Variants in KCNK12 observed in about 807,000 individuals in gnomAD.
The protein encoded by KCNK12 is potassium two pore domain channel subfamily K member 12.
KCNK12 carries 6 observed loss-of-function variants against 25.3 expected under a neutral mutation model. The observed-to-expected ratio is 0.24, with a 90% CI of 0.13 to 0.47. The LOEUF (loss-of-function observed/expected upper bound fraction) is 0.47, where lower values mean the gene tolerates loss of function less well. Ranked by LOEUF, KCNK12 falls within the 20% of genes least tolerant of loss-of-function variation. The pLI, the probability that KCNK12 is intolerant of heterozygous loss-of-function variation, is 0.99. For missense variants in KCNK12, 444 were observed against 661.7 expected (o/e 0.67, Z 3.61); for synonymous variants, 331 against 311.1 (o/e 1.06, Z -0.67).
At chr2:47,536,767 A>G (rs550655269) in intron 1 of KCNK12, among the ~76,000 whole-genome samples, 2 of 152,224 alleles carry the variant, frequency 1.3e-5, no homozygotes, top group Non-Finnish European at 1.5e-5. Context: ...GGAGGACTTA[A>G]GGAAGCAGGC....
chr2:47,530,298 G>C (rs1200419726), intron 1 of KCNK12, among the ~76,000 whole-genome samples: 5 of 152,182 alleles, frequency 3.3e-5, no homozygotes, highest in Non-Finnish European at 7.3e-5. Context: ...CTTCTGGCCA[G>C]ACTCAGTGGG....
Position 47,570,361 on chromosome 2 carries a change from G to A in KCNK12, c.-30C>T. ...CGGAGCTCAGCCCCGGGGCCGGGGC[G>A]GCGCTCGGGGCCCGGGCCACGACAT... On this transcript the variant is annotated 5_prime_UTR_variant, in exon 1 of 2. Transcript: ENST00000327876. The A allele has an allele frequency of 2.5e-6, 3 of 1,220,710 alleles. No homozygotes were observed. Among genetic ancestry groups the A allele is most frequent in the Non-Finnish European group, 3.1e-6 (3 of 981,908 alleles). The allele number at this position is 1,220,710 out of a possible 1,614,324, so 75.6% of individuals were successfully genotyped here.
rs1245936596 is a variant in KCNK12 at position 47,510,716 on chromosome 2, G to C, written c.*10191C>G. The C allele has an allele frequency of 6.6e-6, 1 of 152,224 alleles. No individual in the cohort carries two copies. Among genetic ancestry groups the C allele is most frequent in the Admixed American group, 6.5e-5 (1 of 15,294 alleles). The allele number at this position is 152,224 out of a possible 1,614,324, so 9.4% of individuals were successfully genotyped here. On this transcript the variant is annotated 3_prime_UTR_variant, in exon 2 of 2. Coordinates refer to ENST00000327876, the MANE Select transcript of KCNK12 (RefSeq NM_022055.2). ...AGAACTTATCTTAGGGCAATTTTAG[G>C]TAGAGGAGCAGACAAGATGGTGTAC...
chr2:47,520,776 T>G lies in KCNK12; in HGVS notation c.*131A>C, dbSNP rs1310169434. The G allele has an allele frequency of 3.0e-6, 2 of 664,036 alleles. No individual in the cohort carries two copies. The highest frequency in any genetic ancestry group is 6.9e-5 in the East Asian group (2 of 29,172). The allele number at this position is 664,036 out of a possible 1,614,324, so 41.1% of individuals were successfully genotyped here. On this transcript the variant is annotated 3_prime_UTR_variant, in exon 2 of 2. Coordinates refer to ENST00000327876, the MANE Select transcript of KCNK12 (RefSeq NM_022055.2). The surrounding 1 kb of genome is among the most constrained non-coding windows in gnomAD (Gnocchi z 5.0). ...TCAGGCCTGGCCAAATAGTATTTCT[T>G]TAAAAAAATTTTTTTTGTTTCATTT...
In KCNK12 at chr2:47,540,717, G is replaced by A. The variant is rs1170909328; in HGVS notation, c.392-18909C>T. Among the ~76,000 whole-genome samples, 2 of 152,188 alleles carry A rather than the reference G, an allele frequency of 1.3e-5. No homozygotes were observed. The highest frequency in any genetic ancestry group is 3.8e-4 in the East Asian group (2 of 5,198). On this transcript the variant is annotated intron_variant, in intron 1 of 1. Transcript: ENST00000327876. The surrounding 1 kb of genome is among the most constrained non-coding windows in gnomAD (Gnocchi z 5.4). ...AAGGCAGGGGGATTGCTTGAGGCCA[G>A]GAGTTTGGGACCAGCCTGGGCAACA...
At chr2:47,546,422 C>T (rs1223249823) in intron 1 of KCNK12, among the ~76,000 whole-genome samples, 2 of 152,212 alleles carry the variant, frequency 1.3e-5, no homozygotes, top group Non-Finnish European at 2.9e-5. Context: ...AACTATTCCT[C>T]GCATTTAAAG....
rs1668592701 is a variant in KCNK12 at position 47,519,273 on chromosome 2, C to G, written c.*1634G>C. On this transcript the variant is annotated 3_prime_UTR_variant, in exon 2 of 2. Coordinates refer to ENST00000327876, the MANE Select transcript of KCNK12 (RefSeq NM_022055.2). ...AGAAGAGTTTGACATTCAAGTTTGA[C>G]TCTAATGCTGGGTGCGTGAGCGCAT... 6.6e-6 allele frequency: 1 copy of G among 152,246 alleles called. No homozygotes were observed. The highest frequency in any genetic ancestry group is 1.5e-5 in the Non-Finnish European group (1 of 68,042). The allele number at this position is 152,246 out of a possible 1,614,324, so 9.4% of individuals were successfully genotyped here. A position where few individuals can be genotyped will look rare whatever the true frequency, so the allele number is the denominator to read the frequency against.
chr2:47,537,107 C>A (rs567132711), intron 1 of KCNK12, among the ~76,000 whole-genome samples: 4 of 152,228 alleles, frequency 2.6e-5, no homozygotes, highest in African/African-American at 9.6e-5. Context: ...ACTGTGAGTG[C>A]CAGGCCAGCT....
At chr2:47,552,575 C>G (rs1166718816) in intron 1 of KCNK12, among the ~76,000 whole-genome samples, 4 of 152,278 alleles carry the variant, frequency 2.6e-5, no homozygotes, top group Admixed American at 2.6e-4. Context: ...CGAGACCATC[C>G]TGGCCAACAT....
In KCNK12 at chr2:47,521,072, G is replaced by A. The variant is rs750841653; in HGVS notation, c.1128C>T (p.Ala376=). 2.9e-6 allele frequency: 4 copies of A among 1,361,586 alleles called. No individual in the cohort carries two copies. The highest frequency in any genetic ancestry group is 3.2e-5 in the Admixed American group (1 of 30,970). 84.3% of individuals were successfully genotyped at this position (1,361,586 alleles called of 1,614,324 possible). A position where few individuals can be genotyped will look rare whatever the true frequency, so the allele number is the denominator to read the frequency against. The change falls in exon 2 of 2, where the codon GCC becomes GCT. Residue 376 remains alanine, a synonymous_variant. Transcript: ENST00000327876. ...GCAGCGCCAGCGACACCTTGTTGGA[G>A]GCCGTGAGGTCGCGCATGGAGATGA... The part of the protein sequence containing the change: ...GELISMRDLT[A]SNKVSLALLQ...
chr2:47,540,003 G>A lies in KCNK12; in HGVS notation c.392-18195C>T, dbSNP rs374703190. ...ACTGGTGGCTGTCAGCAAGCTACTC[G>A]CTGTGCCTCAGTTTCCCCATCTATC... is the stretch of plus-strand genomic sequence containing the variant. On this transcript the variant is annotated intron_variant, in intron 1 of 1. Transcript: ENST00000327876. The surrounding 1 kb of genome is among the most constrained non-coding windows in gnomAD (Gnocchi z 5.4). Among the ~76,000 whole-genome samples the A allele has an allele frequency of 2.6e-5, 4 of 152,184 alleles. No individual in the cohort carries two copies. Among genetic ancestry groups the A allele is most frequent in the East Asian group, 1.9e-4 (1 of 5,192 alleles).
At chr2:47,561,486 A>G (rs1019609264) in intron 1 of KCNK12, among the ~76,000 whole-genome samples, 1 of 152,212 alleles carries the variant, frequency 6.6e-6, no homozygotes, top group Non-Finnish European at 1.5e-5. Flanking sequence ...CAGGTGCCAC[A>G]CAGCAGGGGG....
At chr2:47,535,512 C>T (rs745917810) in intron 1 of KCNK12, among the ~76,000 whole-genome samples, 1 of 152,014 alleles carries the variant, frequency 6.6e-6, no homozygotes, top group Non-Finnish European at 1.5e-5. Flanking sequence ...ATTCCACTCT[C>T]AGCTGCCACA....
Position 47,562,685 on chromosome 2 carries a change from G to C in KCNK12, c.391+7256C>G, listed in dbSNP as rs1669705073. ...AGTTGGCTTAGGGTGAGAGCCAAGGGGCTTCAGTACCCTTCTTCATTCTCT... is the reference window on the plus strand; with the variant it reads ...AGTTGGCTTAGGGTGAGAGCCAAGGCGCTTCAGTACCCTTCTTCATTCTCT... On this transcript the variant is annotated intron_variant, in intron 1 of 1. Transcript: ENST00000327876. The surrounding 1 kb of genome is among the most constrained non-coding windows in gnomAD (Gnocchi z 4.8). 4.3e-6 allele frequency: 1 copy of C among 233,046 alleles called. No homozygotes were observed. Among genetic ancestry groups the C allele is most frequent in the Non-Finnish European group, 8.5e-6 (1 of 118,048 alleles). 14.4% of individuals were successfully genotyped at this position (233,046 alleles called of 1,614,324 possible). A position where few individuals can be genotyped will look rare whatever the true frequency, so the allele number is the denominator to read the frequency against.
rs369676187 is a variant in KCNK12, at chr2:47,512,995, A to C, written c.*7912T>G. 8.3e-4 allele frequency: 128 copies of C among 154,612 alleles called. No individual in the cohort carries two copies. The highest frequency in any genetic ancestry group is 7.7e-3 in the South Asian group (38 of 4,954). The allele number at this position is 154,612 out of a possible 1,614,324, so 9.6% of individuals were successfully genotyped here. A position where few individuals can be genotyped will look rare whatever the true frequency, so the allele number is the denominator to read the frequency against. ...TGGTTCATGGCCACTTTTCCTGATT[A>C]TCTTGCAGCTATATTAGGTCATGTG... is the stretch of plus-strand genomic sequence containing the variant. On this transcript the variant is annotated 3_prime_UTR_variant, in exon 2 of 2. Transcript: ENST00000327876.
chr2:47,534,432 G>GCCCCCCCCCCCCC (rs11406660), intron 1 of KCNK12, among the ~76,000 whole-genome samples: 1 of 117,316 alleles, frequency 8.5e-6, no homozygotes. Flanking sequence ...CCGTCTCCAG[G>GCCCCCCCCCCCCC]CCCCCCCCAC....
At position 47,556,694 on chromosome 2, in the gene KCNK12, A is replaced by AAT. The variant is rs2104868465; in HGVS notation, c.391+13245_391+13246dup. On this transcript the variant is annotated intron_variant, in intron 1 of 1. Coordinates refer to ENST00000327876, the MANE Select transcript of KCNK12 (RefSeq NM_022055.2). The surrounding 1 kb of genome is among the most constrained non-coding windows in gnomAD (Gnocchi z 4.8). ...GGAAGTTAAGGGTCTCTGAAAAGGG[A>AAT]ATGAATCCAAGCTGAGTTAAAAAAG... 6.6e-6 allele frequency among the ~76,000 whole-genome samples: 1 copy of AAT among 152,280 alleles called. No individual in the cohort carries two copies. Among genetic ancestry groups the AAT allele is most frequent in the South Asian group, 2.1e-4 (1 of 4,820 alleles).
In KCNK12 at chr2:47,547,464, G is replaced by A. The variant is rs140785664; in HGVS notation, c.391+22477C>T. On this transcript the variant is annotated intron_variant, in intron 1 of 1. Transcript: ENST00000327876. This position sits in a 1 kb window ranked among gnomAD's most constrained non-coding sequence, Gnocchi z 5.0. ...TCTTTTCTTTTTCTTTTTGCGTCTG[G>A]GTCTGGCTCTATTGCCCAGGCTGGA... Among the ~76,000 whole-genome samples, 40 of 152,198 alleles carry A rather than the reference G, an allele frequency of 2.6e-4. No homozygotes were observed. The highest frequency in any genetic ancestry group is 9.6e-4 in the African/African-American group (40 of 41,534).
At chr2:47,536,814 A>G (rs1193277759) in intron 1 of KCNK12, among the ~76,000 whole-genome samples, 1 of 152,240 alleles carries the variant, frequency 6.6e-6, no homozygotes, top group African/African-American at 2.4e-5. Flanking sequence ...GAGCGGAAGT[A>G]CTTCTATGAC....
Sources: allele counts gnomAD v4.1 joint callset (sites outside exome capture counted in the v4.1 genomes callset), GRCh38; gene constraint gnomAD v4.1.1; non-coding constraint Gnocchi (gnomAD v3.1); transcripts MANE v1.5; gene names NCBI Gene and HGNC (gene_info 2026-07-23, HGNC 2026-07-21).